The following GALK2 variants were observed in gnomAD, a reference collection of about 807,000 sequenced individuals.
GALK2 encodes galactokinase 2.
A neutral mutation model predicts 52.4 loss-of-function variants in GALK2; 36 were observed. The ratio of observed to expected loss-of-function variants is 0.69; its 90% CI spans 0.53 to 0.91. The LOEUF (loss-of-function observed/expected upper bound fraction) is 0.91. Among genes scored for constraint, GALK2 ranks in the 40% least tolerant of loss-of-function variants. The probability of loss-of-function intolerance (pLI) is 0.00; values close to 1 mark genes in which losing one functional copy is unlikely to be tolerated. For synonymous variants in GALK2, 176 were observed against 199.1 expected, an observed-to-expected ratio of 0.88 and a Z score of 0.98; for missense variants, 579 against 559.1, an observed-to-expected ratio of 1.04 and a Z score of -0.36.
upstream of GALK2, chr15:49,170,100 A>T: frequency 9.8e-7 from 1 of 1,024,864 alleles, no homozygotes; most frequent in Non-Finnish European, 1.4e-6. Flanking sequence ...CGGAGGCTGT[A>T]CCTGACTGCT....
At chr15:49,284,006 A>G (rs180927795) in intron 7 of GALK2, among the ~76,000 whole-genome samples, 3 of 152,286 alleles carry the variant, frequency 2.0e-5, no homozygotes, top group Admixed American at 1.3e-4. Flanking sequence ...GGGACAATTG[A>G]TGGGAATGAC....
intron 9 of GALK2, among the ~76,000 whole-genome samples, chr15:49,326,285 G>A: frequency 7.3e-6 from 1 of 137,672 alleles, no homozygotes; most frequent in African/African-American, 2.8e-5. Flanking sequence ...TTTTGAGATG[G>A]AGTCTCACTG....
At chr15:49,172,303 T>C (rs961439004) in intron 1 of GALK2, among the ~76,000 whole-genome samples, 10 of 152,216 alleles carry the variant, frequency 6.6e-5, no homozygotes, top group African/African-American at 2.4e-4. Flanking sequence ...GTAACAAATA[T>C]TTATTGTTAA....
intron 7 of GALK2, among the ~76,000 whole-genome samples, chr15:49,284,977 A>G (rs2033179272): frequency 6.6e-6 from 1 of 152,170 alleles, no homozygotes; most frequent in Admixed American, 6.6e-5. Context: ...TAAGCCTCAC[A>G]ACTCTCTCCA....
At chr15:49,267,357 G>A (rs2092395730) in intron 5 of GALK2, among the ~76,000 whole-genome samples, 3 of 152,192 alleles carry the variant, frequency 2.0e-5, no homozygotes, top group Admixed American at 6.5e-5. Context: ...CAGATATCAA[G>A]GGTGATCAGA....
intron 3 of GALK2, among the ~76,000 whole-genome samples, chr15:49,351,041 C>G (rs1483020364): frequency 6.6e-6 from 1 of 152,196 alleles, no homozygotes; most frequent in Non-Finnish European, 1.5e-5. Context: ...CCTACTCAAC[C>G]ATACGCTGTG....
intron 1 of GALK2, among the ~76,000 whole-genome samples, chr15:49,191,361 T>A (rs559055270): frequency 2.0e-5 from 3 of 152,290 alleles, no homozygotes; most frequent in African/African-American, 4.8e-5. Context: ...GAAAGTCAGA[T>A]AACAACTTAG....
intron 3 of GALK2, among the ~76,000 whole-genome samples, chr15:49,223,701 TGTC>T (rs955030173): frequency 2.0e-5 from 3 of 152,180 alleles, no homozygotes; most frequent in African/African-American, 7.2e-5. Flanking sequence ...GCATCCATGT[TGTC>T]GCAAAGGATA....
Position 49,244,663 on chromosome 15 carries a change from C to T in GALK2, c.504+5296C>T, listed in dbSNP as rs554550574. Among the ~76,000 whole-genome samples, 140 of 152,128 alleles carry T rather than the reference C, an allele frequency of 9.2e-4. 5 individuals are homozygous for T. In the South Asian group the frequency reaches 0.028, roughly 30 times the overall value. ...TAGGGAGTAAACCAAGAAAGAAGAT[C>T]GCATGGGAACTAGGAAATGAGAAAT... On this transcript the variant is annotated intron_variant, in intron 5 of 9. Transcript: ENST00000560031.
At chr15:49,263,754 A>G (rs12914143) in intron 5 of GALK2, among the ~76,000 whole-genome samples, 105,056 of 113,640 alleles carry the variant, frequency 0.92, 49,804 homozygotes, top group African/African-American at 0.97. Flanking sequence ...AGCTCTTGTA[A>G]GGCAGGCCTG....
chr15:49,366,737 A>G (rs1018128360), intron 3 of GALK2: 2 of 927,138 alleles, frequency 2.2e-6, no homozygotes, highest in African/African-American at 3.2e-5. Flanking sequence ...TAGGTGGGGT[A>G]GGCTGGGAGT....
intron 5 of GALK2, among the ~76,000 whole-genome samples, chr15:49,271,522 G>A (rs977814845): frequency 3.9e-5 from 6 of 152,174 alleles, no homozygotes; most frequent in Non-Finnish European, 8.8e-5. Flanking sequence ...ATAAAGTATA[G>A]TATTATGCTT....
Position 49,293,439 on chromosome 15 carries a change from G to A in GALK2, c.967+902G>A, listed in dbSNP as rs569608395. 8.7e-4 allele frequency among the ~76,000 whole-genome samples: 133 copies of A among 152,328 alleles called. 1 individual carries two copies. The highest frequency in any genetic ancestry group is 3.0e-3 in the African/African-American group (124 of 41,582). On this transcript the variant is annotated intron_variant, in intron 8 of 9. Coordinates refer to ENST00000560031, the MANE Select transcript of GALK2 (RefSeq NM_002044.4). The stretch of plus-strand genomic sequence containing the variant: ...AGAATAAGCAAACTATGGCCTACTG[G>A]CCAAATCAGGCCTGCCATCTGTTTT...
rs1683863064 is a variant in GALK2, at chr15:49,282,010, C to G, written c.528C>G (p.Ala176=). ...AGGTGGAACTTGCAGAAATCTGTGC[C>G]AAGAGTGAGCGTTACATTGGCACTG... ...LSKVELAEIC[A]KSERYIGTEG... The change falls in exon 6 of 10, where the codon GCC becomes GCG. Residue 176 remains alanine (A), a synonymous_variant. Transcript: ENST00000560031. 1 of 1,613,178 alleles carries G rather than the reference C, an allele frequency of 6.2e-7. No individual in the cohort carries two copies. The highest frequency in any genetic ancestry group is 8.5e-7 in the Non-Finnish European group (1 of 1,179,496).
At chr15:49,258,168 A>G (rs1223385194) in intron 5 of GALK2, among the ~76,000 whole-genome samples, 1 of 152,114 alleles carries the variant, frequency 6.6e-6, no homozygotes, top group African/African-American at 2.4e-5. Context: ...GTCAGGCACT[A>G]TTCCTGGCAC....
At chr15:49,208,995 A>G (rs1333432563) in intron 2 of GALK2, among the ~76,000 whole-genome samples, 1 of 152,150 alleles carries the variant, frequency 6.6e-6, no homozygotes, top group Non-Finnish European at 1.5e-5. Context: ...TTTGGTGTCC[A>G]TTTGCATGAA....
chr15:49,352,883 T>C (rs2042454538), intron 3 of GALK2, among the ~76,000 whole-genome samples: 1 of 152,208 alleles, frequency 6.6e-6, no homozygotes, highest in Non-Finnish European at 1.5e-5. Flanking sequence ...TGGAATTTCT[T>C]GGTTTTGAGA....
At chr15:49,192,892 C>A (rs118020224) in intron 1 of GALK2, among the ~76,000 whole-genome samples, 2,358 of 152,204 alleles carry the variant, frequency 0.015, 15 homozygotes, top group Middle Eastern at 0.031. Context: ...TCAAGCAATC[C>A]TTCTGCCTTG....
chr15:49,212,261 T>G (rs2088976189), intron 2 of GALK2, among the ~76,000 whole-genome samples: 1 of 151,958 alleles, frequency 6.6e-6, no homozygotes, highest in Non-Finnish European at 1.5e-5. Context: ...CCTGGATAAT[T>G]TTTGTATTTT....
Sources: allele counts gnomAD v4.1 joint callset (sites outside exome capture counted in the v4.1 genomes callset), GRCh38; gene constraint gnomAD v4.1.1; transcripts MANE v1.5; gene names NCBI Gene and HGNC (gene_info 2026-07-23, HGNC 2026-07-21).